The following PIDD1 variants were observed in gnomAD, a reference collection of about 807,000 sequenced individuals.
PIDD1 encodes the protein p53-induced death domain-containing protein 1.
PIDD1 carries 72 observed loss-of-function variants against 80.0 expected under a neutral mutation model. That is an observed-to-expected ratio of 0.90 (90% CI 0.74 to 1.09). The LOEUF (loss-of-function observed/expected upper bound fraction) is 1.09. PIDD1 is among the 50% of genes least tolerant of loss of function. The pLI, the probability that PIDD1 is intolerant of heterozygous loss-of-function variation, is 0.00. For synonymous variants in PIDD1, 655 were observed against 543.5 expected, an observed-to-expected ratio of 1.21 and a Z score of -2.85; for missense variants, 1,329 against 1,228.3, an observed-to-expected ratio of 1.08 and a Z score of -1.23.
rs1865525132 is a variant in PIDD1 at position 803,242 on chromosome 11, C to T, written c.641G>A (p.Gly214Glu). Residue 214 changes from glycine to glutamate, a missense_variant, in exon 3 of 16, where the codon GGA (glycine) becomes GAA (glutamate). By Grantham distance (98) the Gly-to-Glu change is moderately conservative. Transcript: ENST00000347755. ...GAGCTCCAGGAGGCTGCCCAGGCCT[C>T]CAATCTCAGGAGGTAGCGTGTCCAG... ...NLLDTLPPEI[G>E]GLGSLLELNL... The T allele has an allele frequency of 1.9e-6, 3 of 1,612,946 alleles. No individual in the cohort carries two copies. Among genetic ancestry groups the T allele is most frequent in the East Asian group, 2.2e-5 (1 of 44,872 alleles).
rs1350981266 is a variant in PIDD1 at position 801,986 on chromosome 11, G to A, written c.1281C>T (p.Tyr427=). ...TCACCTGGGGTGCCTCTTCCTCCAG[G>A]TAGGTCTCCAGGTCACCCCAGCTGT... ...NDNSWGDLET[Y]LEEEAPQRLW... Residue 427 remains tyrosine, a synonymous_variant, in exon 7 of 16, where the codon TAC becomes TAT. Transcript: ENST00000347755. 6 of 1,604,092 alleles carry A rather than the reference G, an allele frequency of 3.7e-6. 1 individual carries two copies. The African/African-American group carries it at 4.0e-5, about 11-fold the overall frequency.
intron 15 of PIDD1, 73 bp downstream of exon 15, chr11:799,742 G>C: frequency 7.2e-7 from 1 of 1,394,148 alleles, no homozygotes; most frequent in Non-Finnish European, 9.5e-7. Context: ...ACTTCTGTCA[G>C]AATCAGGTGG....
upstream of PIDD1, among the ~76,000 whole-genome samples, chr11:808,863 G>A (rs933282264): frequency 6.6e-6 from 1 of 152,252 alleles, no homozygotes; most frequent in Non-Finnish European, 1.5e-5. Flanking sequence ...TCGAGTTCCA[G>A]TGCTTGACGT....
rs1373346734 is a variant in PIDD1, at chr11:800,133, G to A, written c.2272C>T (p.Pro758Ser). The A allele has an allele frequency of 6.2e-7, 1 of 1,609,438 alleles. No individual in the cohort carries two copies. Among genetic ancestry groups the A allele is most frequent in the East Asian group, 2.2e-5 (1 of 44,788 alleles). The change falls in exon 14 of 16, where the codon CCG (proline) becomes TCG (serine). Residue 758 changes from proline to serine, a missense_variant and splice_region_variant. Physicochemically the swap from Pro to Ser is moderately conservative, Grantham distance 74. Coordinates refer to ENST00000347755, the MANE Select transcript of PIDD1 (RefSeq NM_145886.4). ...LWMATLPIKLPRLRGSEGPRR... is the reference protein window; with the variant it reads ...LWMATLPIKLSRLRGSEGPRR... ...CCTCTGCTGTCCCTCAGTCCCACCGGCAGCTTGATGGGCAGAGTGGCCATC... is the reference window on the plus strand; with the variant it reads ...CCTCTGCTGTCCCTCAGTCCCACCGACAGCTTGATGGGCAGAGTGGCCATC...
rs1865175830 is a variant in PIDD1, at chr11:800,440, A to C, written c.2053T>G (p.Cys685Gly). ...ACAAAGCAGATTCTGCCCTCCACACAGTCAGGGCGGTCTAGGGGACAGGGG... is the reference window on the plus strand; with the variant it reads ...ACAAAGCAGATTCTGCCCTCCACACCGTCAGGGCGGTCTAGGGGACAGGGG... ...GIDVDADRPD[C>G]VEGRICFVFY... The change falls in exon 13 of 16, where the codon TGT becomes GGT. Residue 685 changes from cysteine (C) to glycine (G), a missense_variant. Transcript: ENST00000347755. 1 of 1,612,544 alleles carries C rather than the reference A, an allele frequency of 6.2e-7. No individual in the cohort carries two copies. Among genetic ancestry groups the C allele is most frequent in the Non-Finnish European group, 8.5e-7 (1 of 1,179,966 alleles).
chr11:805,187 C>T lies in PIDD1; in HGVS notation c.-84G>A. 1 of 984,356 alleles carries T rather than the reference C, an allele frequency of 1.0e-6. No individual in the cohort carries two copies. The highest frequency in any genetic ancestry group is 1.2e-6 in the Non-Finnish European group (1 of 829,010). 61.0% of individuals were successfully genotyped at this position (984,356 alleles called of 1,614,324 possible). A position where few individuals can be genotyped will look rare whatever the true frequency, so the allele number is the denominator to read the frequency against. On this transcript the variant is annotated 5_prime_UTR_variant, in exon 1 of 16. Coordinates refer to ENST00000347755, the MANE Select transcript of PIDD1 (RefSeq NM_145886.4). ...CCCAGGCCGGCGCGTACCTGCGCTGCAGGCGGCGCGCAAAGGGTGGCTGCT... is the reference window on the plus strand; with the variant it reads ...CCCAGGCCGGCGCGTACCTGCGCTGTAGGCGGCGCGCAAAGGGTGGCTGCT...
At position 802,782 on chromosome 11, in the gene PIDD1, G is replaced by A. The variant is rs370891172; in HGVS notation, c.819C>T (p.Asn273=). 6 of 1,608,128 alleles carry A rather than the reference G, an allele frequency of 3.7e-6. No individual in the cohort carries two copies. In the African/African-American group the frequency reaches 4.0e-5, roughly 11 times the overall value. ...PLLTRLDLRD[N]QLRDLPPELL... The stretch of plus-strand genomic sequence containing the variant: ...GCTCAGGGGGCAGGTCCCGGAGCTG[G>A]TTGTCCCTCAGGTCGAGCCGGGTGA... The change falls in exon 4 of 16, where the codon AAC becomes AAT. Residue 273 remains asparagine, a synonymous_variant. Coordinates refer to ENST00000347755, the MANE Select transcript of PIDD1 (RefSeq NM_145886.4).
rs1202854057 is a variant in PIDD1 at position 803,371 on chromosome 11, G to A, written c.512C>T (p.Pro171Leu). Residue 171 changes from proline to leucine, a missense_variant, in exon 3 of 16, where the codon CCC becomes CTC. Pro to Leu is a moderately conservative substitution (Grantham distance 98). Coordinates refer to ENST00000347755, the MANE Select transcript of PIDD1 (RefSeq NM_145886.4). Reference sequence around the variant, plus strand: ...TGTCACTGTGAGGAAGGTGAGGGCGGGGAGGGCCCCCAGAGCCTCAGGCAG... The same window carrying A: ...TGTCACTGTGAGGAAGGTGAGGGCGAGGAGGGCCCCCAGAGCCTCAGGCAG... Reference protein sequence around the residue: ...SELPEALGALPALTFLTVTHN... With the variant: ...SELPEALGALLALTFLTVTHN... 6.2e-7 allele frequency: 1 copy of A among 1,613,886 alleles called. No homozygotes were observed. The highest frequency in any genetic ancestry group is 1.3e-5 in the African/African-American group (1 of 74,914).
Position 801,298 on chromosome 11 carries a change from AG to A in PIDD1, c.1549del (p.Leu517CysfsTer100). 6.2e-7 allele frequency: 1 copy of A among 1,600,432 alleles called. No individual in the cohort carries two copies. The highest frequency in any genetic ancestry group is 8.5e-7 in the Non-Finnish European group (1 of 1,173,206). On this transcript the variant is annotated frameshift_variant, in exon 9 of 16. Transcript: ENST00000347755. LOFTEE classifies it high-confidence loss of function. The part of the protein sequence containing the change: ...LGEPEAAVSP[L>X]LCLSQSGPPS... ...GGGACCGCTCTGTGACAGGCACAGC[AG>A]GGGGCTCACTGCAGCCTCTGGTTCT...
upstream of PIDD1, chr11:806,098 GAA>G (rs780270179): frequency 8.1e-5 from 8 of 98,542 alleles, no homozygotes; most frequent in Non-Finnish European, 1.2e-4. Context: ...GACTCCGTCT[GAA>G]AAAAAAAAAA....
At chr11:808,313 G>A (rs999492896), upstream of PIDD1, among the ~76,000 whole-genome samples, 2 of 152,050 alleles carry the variant, frequency 1.3e-5, no homozygotes, top group African/African-American at 4.8e-5. Flanking sequence ...TGTAATCCCA[G>A]CTACTCAGGA....
At chr11:803,034 C>G in intron 3 of PIDD1, 140 bp downstream of exon 3, 1 of 964,068 alleles carries the variant, frequency 1.0e-6, no homozygotes, top group Non-Finnish European at 1.5e-6. Context: ...CTGAGGGAGT[C>G]TCAAAGGCCA....
At chr11:807,117 G>A (rs576181214), upstream of PIDD1, among the ~76,000 whole-genome samples, 136 of 151,848 alleles carry the variant, frequency 9.0e-4, no homozygotes, top group South Asian at 4.6e-3. Flanking sequence ...GCTTGAACGC[G>A]GGAGGCGGAG....
chr11:802,673 C>G lies in PIDD1; in HGVS notation c.919+9G>C, dbSNP rs747486873. 1.9e-6 allele frequency: 3 copies of G among 1,608,988 alleles called. No homozygotes were observed. In the Admixed American group the frequency reaches 5.0e-5, roughly 27 times the overall value. ...ATCCCAGGTCTGCCCCTTCTAGCAC[C>G]AAGCCTACCTGGTGAACTCGGGGCG... On this transcript the variant is annotated intron_variant, in intron 4 of 15. Coordinates refer to ENST00000347755, the MANE Select transcript of PIDD1 (RefSeq NM_145886.4).
At chr11:805,155 C>A in intron 1 of PIDD1, 24 bp downstream of exon 1, 1 of 973,786 alleles carries the variant, frequency 1.0e-6, no homozygotes, top group Non-Finnish European at 1.2e-6. Flanking sequence ...GCCGCCCCCT[C>A]CGCCCGCCCA....
rs947722700 is a variant in PIDD1, at chr11:803,981, C to CGGG, written c.295+110_295+112dup. ...GCAGAACAGTTCACACCTGGGGAGC[C>CGGG]GGGAGGGGCGGCCTGGAGCTGGGGC... On this transcript the variant is annotated intron_variant, in intron 2 of 15. Transcript: ENST00000347755. The CGGG allele has an allele frequency of 4.1e-6, 5 of 1,216,002 alleles. No individual in the cohort carries two copies. In the African/African-American group the frequency reaches 6.1e-5, roughly 15 times the overall value. 75.3% of individuals were successfully genotyped at this position (1,216,002 alleles called of 1,614,324 possible). A position where few individuals can be genotyped will look rare whatever the true frequency, so the allele number is the denominator to read the frequency against.
chr11:801,372 C>T lies in PIDD1; in HGVS notation c.1483-7G>A. ...GGCCAGCCATGCGCACCACCTGGGG[C>T]AGACAGGCCCCCTGAGCACCTGCCT... On this transcript the variant is annotated splice_polypyrimidine_tract_variant and splice_region_variant and intron_variant, in intron 8 of 15. Coordinates refer to ENST00000347755, the MANE Select transcript of PIDD1 (RefSeq NM_145886.4). 2 of 1,606,638 alleles carry T rather than the reference C, an allele frequency of 1.2e-6. No homozygotes were observed. Among genetic ancestry groups the T allele is most frequent in the Non-Finnish European group, 1.7e-6 (2 of 1,176,568 alleles).
At chr11:803,958 A>T in intron 2 of PIDD1, 136 bp downstream of exon 2, 1 of 945,146 alleles carries the variant, frequency 1.1e-6, no homozygotes, top group Non-Finnish European at 1.6e-6. Context: ...GACCAAGAGC[A>T]GAACAGTTCA....
Position 799,290 on chromosome 11 carries a change from C to T in PIDD1, c.*17G>A. On this transcript the variant is annotated 3_prime_UTR_variant, in exon 16 of 16. Coordinates refer to ENST00000347755, the MANE Select transcript of PIDD1 (RefSeq NM_145886.4). ...TCCACTGGGGAATATCTGGGCCAGC[C>T]TAAAAGTCTGTGGGGCCTAGGCCTG... The T allele has an allele frequency of 6.4e-7, 1 of 1,569,068 alleles. No individual in the cohort carries two copies.
Sources: gnomAD v4.1 joint callset for allele counts (sites outside exome capture counted in the v4.1 genomes callset) on GRCh38, gnomAD v4.1.1 for gene constraint, MANE v1.5 for transcripts, NCBI Gene and HGNC (gene_info 2026-07-23, HGNC 2026-07-21) for gene names.